The following CCDC73 variants were observed in gnomAD, a reference collection of about 807,000 sequenced individuals.
CCDC73 encodes the protein coiled-coil domain-containing protein 73.
A neutral mutation model predicts 116.5 loss-of-function variants in CCDC73; 95 were observed. That is an observed-to-expected ratio of 0.82 (90% confidence interval 0.69 to 0.97). The LOEUF (loss-of-function observed/expected upper bound fraction) is 0.97. CCDC73 is among the 50% of genes least tolerant of loss of function. The pLI, the probability that CCDC73 is intolerant of heterozygous loss-of-function variation, is 0.00. For missense variants in CCDC73, 1,066 were observed against 1,206.8 expected, an observed-to-expected ratio of 0.88 and a Z score of 1.73; for synonymous variants, 398 against 401.3, an observed-to-expected ratio of 0.99 and a Z score of 0.10.
chr11:32,770,810 T>C (rs1455536894), intron 1 of CCDC73, among the ~76,000 whole-genome samples: 2 of 152,118 alleles, frequency 1.3e-5, no homozygotes, highest in Admixed American at 1.3e-4. Context: ...AAAAAGAAAT[T>C]GTTCAGGTTC....
At position 32,602,881 on chromosome 11, in the gene CCDC73, A is replaced by G. The variant is rs751964493; in HGVS notation, c.3170T>C (p.Leu1057Ser). 6.2e-7 allele frequency: 1 copy of G among 1,612,032 alleles called. No homozygotes were observed. Among genetic ancestry groups the G allele is most frequent in the South Asian group, 1.1e-5 (1 of 90,396 alleles). The change falls in exon 18 of 18, where the codon TTA (leucine) becomes TCA (serine). Residue 1057 changes from leucine to serine, a missense_variant. By Grantham distance (145) the Leu-to-Ser change is moderately radical. Transcript: ENST00000335185. Reference sequence around the variant, plus strand: ...TTTCTTTGGCTGGTTGTCATTTTCTAAACTTAGTAAATTTTCACTTTTATT... The same window carrying G: ...TTTCTTTGGCTGGTTGTCATTTTCTGAACTTAGTAAATTTTCACTTTTATT... Reference protein sequence around the residue: ...QLNKSENLLSLENDNQPKKRK... With the variant: ...QLNKSENLLSSENDNQPKKRK...
At chr11:32,616,373 CATACCACATTATTATATA>C (rs1855475073) in intron 14 of CCDC73, among the ~76,000 whole-genome samples, 3 of 152,266 alleles carry the variant, frequency 2.0e-5, no homozygotes, top group South Asian at 2.1e-4. Context: ...TTCAAACATG[CATACCACATTATTATATA>C]ATACCACATT....
At chr11:32,785,548 T>C (rs1484749624) in intron 1 of CCDC73, among the ~76,000 whole-genome samples, 1 of 152,030 alleles carries the variant, frequency 6.6e-6, no homozygotes, top group African/African-American at 2.4e-5. Flanking sequence ...ACTGTAGGCA[T>C]GTGTCACCAT....
At chr11:32,735,124 C>T (rs906201795) in intron 2 of CCDC73, among the ~76,000 whole-genome samples, 4 of 152,192 alleles carry the variant, frequency 2.6e-5, no homozygotes, top group Non-Finnish European at 4.4e-5. Context: ...CAGGGATGCC[C>T]TATCTCACCA....
intron 2 of CCDC73, among the ~76,000 whole-genome samples, chr11:32,755,536 A>ATAT (rs1850325554): frequency 1.7e-5 from 1 of 59,914 alleles, no homozygotes; most frequent in African/African-American, 6.3e-5. Flanking sequence ...TCCATCTCAA[A>ATAT]ATATATATAT....
At chr11:32,690,757 A>G (rs1590596090) in intron 6 of CCDC73, among the ~76,000 whole-genome samples, 1 of 152,186 alleles carries the variant, frequency 6.6e-6, no homozygotes, top group East Asian at 1.9e-4. Flanking sequence ...TAAGTTAATT[A>G]AACCTCTTTT....
At chr11:32,632,562 A>T (rs1855641270) in intron 14 of CCDC73, among the ~76,000 whole-genome samples, 1 of 152,074 alleles carries the variant, frequency 6.6e-6, no homozygotes, top group African/African-American at 2.4e-5. Flanking sequence ...AATTAGGCCA[A>T]GTTAGTTGGT....
rs183873555 is a variant in CCDC73 at position 32,720,870 on chromosome 11, T to C, written c.136-2723A>G. ...TTTCTGGGTTGATGAAAATATTTTA[T>C]ATCTTGATAAGGTTTCAATTATACA... On this transcript the variant is annotated intron_variant, in intron 2 of 17. Coordinates refer to ENST00000335185, the MANE Select transcript of CCDC73 (RefSeq NM_001008391.4). Among the ~76,000 whole-genome samples, 57 of 152,312 alleles carry C rather than the reference T, an allele frequency of 3.7e-4. No homozygotes were observed. The East Asian group carries it at 0.01, about 28-fold the overall frequency.
chr11:32,667,786 A>G (rs1165759105), intron 9 of CCDC73, among the ~76,000 whole-genome samples: 1 of 152,148 alleles, frequency 6.6e-6, no homozygotes, highest in African/African-American at 2.4e-5. Context: ...AGCTGTTCCT[A>G]TTCAGCCATC....
chr11:32,758,876 T>C lies in CCDC73; in HGVS notation c.135+1233A>G, dbSNP rs1289447028. ...TTATAATACTTACCCAAAATACCATTTTTAGCAGAATTTCATCTTAAAACA... is the reference window on the plus strand; with the variant it reads ...TTATAATACTTACCCAAAATACCATCTTTAGCAGAATTTCATCTTAAAACA... On this transcript the variant is annotated intron_variant, in intron 2 of 17. Transcript: ENST00000335185. 4.6e-5 allele frequency among the ~76,000 whole-genome samples: 7 copies of C among 152,272 alleles called. No homozygotes were observed. In the East Asian group the frequency reaches 7.7e-4, roughly 17 times the overall value.
At chr11:32,711,818 A>T (rs1036633727) in intron 3 of CCDC73, among the ~76,000 whole-genome samples, 1 of 152,184 alleles carries the variant, frequency 6.6e-6, no homozygotes, top group African/African-American at 2.4e-5. Flanking sequence ...GATTGTCATA[A>T]AGCTTTCTAC....
At chr11:32,747,337 G>A (rs922830893) in intron 2 of CCDC73, among the ~76,000 whole-genome samples, 2 of 152,124 alleles carry the variant, frequency 1.3e-5, no homozygotes, top group African/African-American at 2.4e-5. Context: ...GCCTATATGA[G>A]GTGTCTGTTG....
chr11:32,776,936 A>AAAAATAT (rs1341535562), intron 1 of CCDC73, among the ~76,000 whole-genome samples: 2 of 36,464 alleles, frequency 5.5e-5, no homozygotes, highest in African/African-American at 1.7e-4. Context: ...AAAAAAAAAA[A>AAAAATAT]ATATATATAT....
intron 3 of CCDC73, among the ~76,000 whole-genome samples, chr11:32,708,947 G>A (rs1484649833): frequency 2.6e-5 from 4 of 152,124 alleles, no homozygotes; most frequent in African/African-American, 7.2e-5. Context: ...GTACTATGTT[G>A]AATAGAAGTG....
the CCDC73 span, among the ~76,000 whole-genome samples, chr11:32,801,555 C>T: frequency 1.5e-4 from 23 of 151,728 alleles, no homozygotes; most frequent in African/African-American, 5.1e-4. Context: ...GCAGGAGAAT[C>T]GCTTGAACCT....
chr11:32,705,710 C>A (rs1482596639), intron 3 of CCDC73, among the ~76,000 whole-genome samples: 1 of 152,128 alleles, frequency 6.6e-6, no homozygotes, highest in Non-Finnish European at 1.5e-5. Context: ...GAAGTGACAC[C>A]CAAACGATCC....
At chr11:32,655,063 GCCT>G in intron 9 of CCDC73, 91 bp from the exon 10 acceptor site, 1 of 310,208 alleles carries the variant, frequency 3.2e-6, no homozygotes. Flanking sequence ...TCATCCTTAA[GCCT>G]ATAATTATAA....
the CCDC73 span, among the ~76,000 whole-genome samples, chr11:32,811,953 T>C: frequency 6.6e-6 from 1 of 152,146 alleles, no homozygotes; most frequent in Admixed American, 6.5e-5. Context: ...TTGATCCTTT[T>C]TTTTTTTCTT....
At chr11:32,603,744 T>C (rs1855308215) in intron 17 of CCDC73, 1 of 152,230 alleles carries the variant, frequency 6.6e-6, no homozygotes, top group Admixed American at 6.5e-5. Flanking sequence ...CAATCTTTGA[T>C]GTTTTTGAGA....
Sources: gnomAD v4.1 joint callset for allele counts (sites outside exome capture counted in the v4.1 genomes callset) on GRCh38, gnomAD v4.1.1 for gene constraint, MANE v1.5 for transcripts, NCBI Gene and HGNC (gene_info 2026-07-23, HGNC 2026-07-21) for gene names.